Variants in ULK4 observed in about 807,000 individuals in gnomAD.
ULK4 encodes unc-51 like kinase 4.
ULK4 carries 133 observed loss-of-function variants against 160.6 expected under a neutral mutation model. The observed-to-expected ratio is 0.83, with a 90% CI of 0.72 to 0.96. The LOEUF is 0.96. Among genes scored for constraint, ULK4 ranks in the 40% least tolerant of loss-of-function variants. The pLI is 0.00. For missense variants in ULK4, 1,580 were observed against 1,499.5 expected (o/e 1.05, Z -0.89); for synonymous variants, 534 against 539.8 (o/e 0.99, Z 0.15).
intron 17 of ULK4, chr3:41,854,007 T>C (rs2042276653): frequency 6.6e-6 from 1 of 152,208 alleles, no homozygotes; most frequent in South Asian, 2.1e-4. Context: ...TCCTGTTCCA[T>C]TCTTCCCTCC....
intron 35 of ULK4, among the ~76,000 whole-genome samples, chr3:41,396,728 T>C (rs2082069644): frequency 6.6e-6 from 1 of 152,154 alleles, no homozygotes; most frequent in South Asian, 2.1e-4. Context: ...CCACATCATC[T>C]AGTGCTAGGC....
rs368282598 is a variant in ULK4 at position 41,304,273 on chromosome 3, C to CAAAAAAAAAAAAA, written c.3679-54712_3679-54700dup. Among the ~76,000 whole-genome samples, 83 of 89,672 alleles carry CAAAAAAAAAAAAA rather than the reference C, an allele frequency of 9.3e-4. 3 individuals carry two copies. The highest frequency in any genetic ancestry group is 3.6e-3 in the African/African-American group (71 of 19,540). 58.8% of individuals were successfully genotyped at this position (89,672 alleles called of 152,430 possible). On this transcript the variant is annotated intron_variant, in intron 35 of 36. Transcript: ENST00000301831. ...GGACAATAAGAGCAAAGCTCCCCCTCAAAAAAAAAAAAAAAAAGAGACAAC... is the reference window on the plus strand; with the variant it reads ...GGACAATAAGAGCAAAGCTCCCCCTCAAAAAAAAAAAAAAAAAAAAAAAAAAAAAAGAGACAAC...
intron 35 of ULK4, among the ~76,000 whole-genome samples, chr3:41,334,600 G>C (rs1163085751): frequency 6.6e-6 from 1 of 152,182 alleles, no homozygotes; most frequent in African/African-American, 2.4e-5. Flanking sequence ...ACTCCTCTCT[G>C]CTGGAGCCTG....
At chr3:41,681,709 G>GA in intron 28 of ULK4, 44 bp downstream of exon 28, 3 of 1,613,780 alleles carry the variant, frequency 1.9e-6, no homozygotes, top group Non-Finnish European at 2.5e-6. Context: ...AATGAAAATA[G>GA]AATGTGTAAC....
intron 27 of ULK4, among the ~76,000 whole-genome samples, chr3:41,686,834 T>C (rs140851036): frequency 1.2e-3 from 180 of 152,212 alleles, no homozygotes; most frequent in African/African-American, 4.0e-3. Flanking sequence ...TCAGGAAAAA[T>C]GTGTTCTTTT....
At chr3:41,746,420 C>T (rs2038427001) in intron 22 of ULK4, among the ~76,000 whole-genome samples, 1 of 150,694 alleles carries the variant, frequency 6.6e-6, no homozygotes, top group African/African-American at 2.5e-5. Context: ...AATTGCTTCC[C>T]TCCAAAAAGA....
intron 19 of ULK4, among the ~76,000 whole-genome samples, chr3:41,810,520 ATGT>A (rs1171922173): frequency 6.6e-6 from 1 of 152,194 alleles, no homozygotes; most frequent in East Asian, 1.9e-4. Context: ...TCTTTCTTTA[ATGT>A]TGTGGCAATG....
chr3:41,345,216 C>G (rs1305120208), intron 35 of ULK4, among the ~76,000 whole-genome samples: 1 of 152,156 alleles, frequency 6.6e-6, no homozygotes, highest in African/African-American at 2.4e-5. Context: ...GACAGCGTGG[C>G]AATTCCTCAA....
intron 17 of ULK4, among the ~76,000 whole-genome samples, chr3:41,873,450 G>T (rs13325965): frequency 0.18 from 27,425 of 151,944 alleles, 2,540 homozygotes; most frequent in Middle Eastern, 0.32. Flanking sequence ...CGCCATTTCT[G>T]ACTTTTGAAA....
intron 29 of ULK4, among the ~76,000 whole-genome samples, chr3:41,670,606 T>C (rs901333417): frequency 6.6e-6 from 1 of 152,008 alleles, no homozygotes; most frequent in Non-Finnish European, 1.5e-5. Context: ...TACATATATA[T>C]ACATACACAT....
chr3:41,440,841 GGTT>G (rs2083149141), intron 34 of ULK4, among the ~76,000 whole-genome samples: 1 of 152,014 alleles, frequency 6.6e-6, no homozygotes. Context: ...GGGTTATTCA[GGTT>G]GTTTTTTTCT....
At chr3:41,309,207 T>C (rs778853273) in intron 35 of ULK4, among the ~76,000 whole-genome samples, 1 of 152,038 alleles carries the variant, frequency 6.6e-6, no homozygotes, top group African/African-American at 2.4e-5. Context: ...GCTACAGGAA[T>C]ATTGCTGCAG....
chr3:41,819,487 G>C lies in ULK4; in HGVS notation c.1784C>G (p.Pro595Arg), dbSNP rs765156864. Residue 595 changes from proline (P) to arginine (R), a missense_variant, in exon 19 of 37, where the codon CCT becomes CGT. Coordinates refer to ENST00000301831, the MANE Select transcript of ULK4 (RefSeq NM_017886.4). ...CAAGGGAACAGCCCAGCACTCTCTA[G>C]GGTTCTTTTTTTTTTCTTCCTAAAA... Reference protein sequence around the residue: ...VATQEEKKKNPRECWAVPLAA... With the variant: ...VATQEEKKKNRRECWAVPLAA... 4 of 1,607,946 alleles carry C rather than the reference G, an allele frequency of 2.5e-6. No individual in the cohort carries two copies. Among genetic ancestry groups the C allele is most frequent in the Admixed American group, 1.7e-5 (1 of 59,126 alleles).
At chr3:41,961,411 A>C (rs1576027972) in intron 1 of ULK4, among the ~76,000 whole-genome samples, 1 of 152,142 alleles carries the variant, frequency 6.6e-6, no homozygotes, top group African/African-American at 2.4e-5. Flanking sequence ...GGATGCGCTC[A>C]AGTCTGCGAA....
At chr3:41,711,874 A>G (rs62258606) in intron 25 of ULK4, among the ~76,000 whole-genome samples, 3,210 of 152,330 alleles carry the variant, frequency 0.021, 31 homozygotes, top group Non-Finnish European at 0.032. Flanking sequence ...GACCAAAAGA[A>G]GCATGGTATT....
chr3:41,928,813 C>G (rs187146277), intron 5 of ULK4, among the ~76,000 whole-genome samples: 142 of 152,120 alleles, frequency 9.3e-4, no homozygotes, highest in African/African-American at 3.1e-3. Context: ...CCTGAATAGA[C>G]CAGTAACAAG....
intron 25 of ULK4, among the ~76,000 whole-genome samples, chr3:41,712,618 G>T (rs1013132182): frequency 2.0e-5 from 3 of 152,188 alleles, no homozygotes; most frequent in African/African-American, 7.2e-5. Flanking sequence ...TGCTGGGAGA[G>T]GTGGCTCATG....
intron 35 of ULK4, among the ~76,000 whole-genome samples, chr3:41,286,614 G>A (rs2079463667): frequency 6.6e-6 from 1 of 152,138 alleles, no homozygotes; most frequent in South Asian, 2.1e-4. Flanking sequence ...ACCCTAAACT[G>A]CAGGCACAGA....
intron 35 of ULK4, among the ~76,000 whole-genome samples, chr3:41,395,191 C>CAAAAAAAAAA (rs11365283): frequency 1.9e-5 from 2 of 106,378 alleles, no homozygotes; most frequent in Non-Finnish European, 2.1e-5. Flanking sequence ...GAAAGCACTC[C>CAAAAAAAAAA]AAAAAAAAAA....
Sources: allele counts gnomAD v4.1 joint callset (sites outside exome capture counted in the v4.1 genomes callset), GRCh38; gene constraint gnomAD v4.1.1; transcripts MANE v1.5; gene names NCBI Gene and HGNC (gene_info 2026-07-23, HGNC 2026-07-21).